The following APBA2 variants were observed in gnomAD, a reference collection of about 807,000 sequenced individuals.
APBA2 encodes amyloid-beta A4 precursor protein-binding family A member 2.
APBA2 carries 30 observed loss-of-function variants against 75.0 expected under a neutral mutation model. The ratio of observed to expected loss-of-function variants is 0.40; its 90% CI spans 0.30 to 0.54. APBA2 has a LOEUF of 0.54. Ranked by LOEUF, APBA2 falls within the 20% of genes least tolerant of loss-of-function variation. The probability of loss-of-function intolerance (pLI) is 0.49; values close to 1 mark genes in which losing one functional copy is unlikely to be tolerated. For missense variants in APBA2, 801 were observed against 1,016.1 expected (o/e 0.79, Z 2.88); for synonymous variants, 444 against 409.6 (o/e 1.08, Z -1.01).
At chr15:28,997,075 T>C (rs1172976083) in intron 3 of APBA2, among the ~76,000 whole-genome samples, 2 of 152,220 alleles carry the variant, frequency 1.3e-5, no homozygotes, top group African/African-American at 2.4e-5. Context: ...CTTTCTGCCC[T>C]GCATCTTTCC....
chr15:28,892,910 AT>A (rs1325428364), intron 1 of APBA2, among the ~76,000 whole-genome samples: 1 of 152,228 alleles, frequency 6.6e-6, no homozygotes, highest in East Asian at 1.9e-4. Flanking sequence ...GAATGCGTGC[AT>A]TTAGGGATGA....
At chr15:28,928,099 A>G (rs943977013) in intron 2 of APBA2, among the ~76,000 whole-genome samples, 3 of 145,502 alleles carry the variant, frequency 2.1e-5, no homozygotes, top group African/African-American at 7.7e-5. Flanking sequence ...AGCCGAGATC[A>G]CTCCACTGTA....
intron 14 of APBA2, among the ~76,000 whole-genome samples, chr15:29,116,793 T>C (rs1341360370): frequency 6.6e-6 from 1 of 152,066 alleles, no homozygotes; most frequent in Non-Finnish European, 1.5e-5. Flanking sequence ...TTCTCACCCC[T>C]CGGGTGTCAG....
At chr15:29,052,127 A>G (rs993361871) in intron 3 of APBA2, among the ~76,000 whole-genome samples, 17 of 152,272 alleles carry the variant, frequency 1.1e-4, no homozygotes, top group African/African-American at 3.9e-4. Flanking sequence ...CAGTTTAAAG[A>G]ATATGACAAA....
chr15:29,079,281 C>T (rs112586617), intron 6 of APBA2, among the ~76,000 whole-genome samples: 3 of 152,192 alleles, frequency 2.0e-5, no homozygotes, highest in African/African-American at 7.2e-5. Context: ...GCAGCTGACC[C>T]ATCCAGGGGC....
At chr15:29,005,683 G>A (rs1178150081) in intron 3 of APBA2, among the ~76,000 whole-genome samples, 1 of 152,088 alleles carries the variant, frequency 6.6e-6, no homozygotes, top group East Asian at 1.9e-4. Flanking sequence ...TGGCCAACAT[G>A]GTGCAACCCC....
chr15:28,952,835 A>T (rs2035962015), intron 2 of APBA2, among the ~76,000 whole-genome samples: 2 of 152,220 alleles, frequency 1.3e-5, no homozygotes, highest in South Asian at 4.1e-4. Flanking sequence ...GAAAAGCAAG[A>T]GTCACTATCT....
intron 2 of APBA2, among the ~76,000 whole-genome samples, chr15:28,977,630 A>C (rs984120137): frequency 6.6e-6 from 1 of 152,124 alleles, no homozygotes; most frequent in Non-Finnish European, 1.5e-5. Context: ...TGCTGCTTCC[A>C]GTTCCTCTGG....
chr15:28,975,300 A>T (rs186305289), intron 2 of APBA2, among the ~76,000 whole-genome samples: 15 of 152,320 alleles, frequency 9.8e-5, no homozygotes, highest in Admixed American at 9.1e-4. Flanking sequence ...ATGCTACTTA[A>T]ATTATTCTAG....
chr15:28,941,695 C>T (rs536032172), intron 2 of APBA2, among the ~76,000 whole-genome samples: 2 of 152,276 alleles, frequency 1.3e-5, no homozygotes, highest in South Asian at 2.1e-4. Flanking sequence ...GCCGGTAGGG[C>T]CCCTCTTCTT....
chr15:29,042,691 C>T (rs1202627573), intron 3 of APBA2, among the ~76,000 whole-genome samples: 3 of 152,074 alleles, frequency 2.0e-5, no homozygotes, highest in Admixed American at 6.5e-5. Context: ...GTACTGTATG[C>T]ACTTGGAAAT....
At chr15:28,938,349 C>T (rs1203475557) in intron 2 of APBA2, among the ~76,000 whole-genome samples, 1 of 152,218 alleles carries the variant, frequency 6.6e-6, no homozygotes, top group Non-Finnish European at 1.5e-5. Context: ...TCCTAAACCA[C>T]AATTACAAAC....
At chr15:29,021,783 C>T (rs914294745) in intron 3 of APBA2, among the ~76,000 whole-genome samples, 12 of 152,104 alleles carry the variant, frequency 7.9e-5, no homozygotes, top group Admixed American at 2.0e-4. Flanking sequence ...CGTGTACCCT[C>T]GGCCCAGCAT....
chr15:29,117,106 G>C lies in APBA2; in HGVS notation c.2223G>C (p.Thr741=), dbSNP rs761106891. 1.9e-6 allele frequency: 3 copies of C among 1,613,266 alleles called. No homozygotes were observed. The highest frequency in any genetic ancestry group is 2.5e-6 in the Non-Finnish European group (3 of 1,179,980). ...CCGCCGCCATGTTCAGGCTCCTCAC[G>C]GGTCAGGAGACCCCGCTGTACATCT... is the stretch of plus-strand genomic sequence containing the variant. ...TMPAAMFRLL[T]GQETPLYI Residue 741 remains threonine, a synonymous_variant, in exon 15 of 15, where the codon ACG becomes ACC. Transcript: ENST00000683413.
intron 3 of APBA2, among the ~76,000 whole-genome samples, chr15:29,006,212 A>G (rs2039107381): frequency 6.6e-6 from 1 of 152,256 alleles, no homozygotes; most frequent in Non-Finnish European, 1.5e-5. Context: ...CACGAAACAC[A>G]CAAAGCTGTT....
chr15:28,977,089 C>T (rs886887997), intron 2 of APBA2: 1 of 152,114 alleles, frequency 6.6e-6, no homozygotes, highest in African/African-American at 2.4e-5. Flanking sequence ...AGTATGTGAG[C>T]CTTAGTTCAG....
intron 1 of APBA2, among the ~76,000 whole-genome samples, chr15:28,897,572 T>A: frequency 7.7e-6 from 1 of 130,504 alleles, no homozygotes; most frequent in Non-Finnish European, 1.5e-5. Flanking sequence ...GAGCCGAGAT[T>A]GCACCACTGC....
intron 4 of APBA2, among the ~76,000 whole-genome samples, chr15:29,058,450 G>A (rs192047922): frequency 6.6e-6 from 1 of 152,070 alleles, no homozygotes; most frequent in South Asian, 2.1e-4. Context: ...GGCAGAAGCT[G>A]CAGTGAGCCG....
intron 9 of APBA2, among the ~76,000 whole-genome samples, chr15:29,101,120 C>CA (rs35842789): frequency 0.15 from 23,219 of 152,112 alleles, 1,845 homozygotes; most frequent in East Asian, 0.29. Context: ...ATGCTCCTAA[C>CA]ACCTTGCAGT....
Sources: gnomAD v4.1 joint callset for allele counts (sites outside exome capture counted in the v4.1 genomes callset) on GRCh38, gnomAD v4.1.1 for gene constraint, MANE v1.5 for transcripts, NCBI Gene and HGNC (gene_info 2026-07-23, HGNC 2026-07-21) for gene names.